The following OPRL1 variants were observed in gnomAD, a reference collection of about 807,000 sequenced individuals.
OPRL1 encodes nociceptin receptor.
Under a neutral mutation model 15.5 loss-of-function variants are expected in OPRL1, and 5 were observed. The observed-to-expected ratio is 0.32, with a 90% confidence interval of 0.17 to 0.68. OPRL1 has a LOEUF of 0.68. Ranked by LOEUF, OPRL1 falls within the 30% of genes least tolerant of loss-of-function variation. The pLI is 0.72. For missense variants in OPRL1, 406 were observed against 515.3 expected (o/e 0.79, Z 2.05); for synonymous variants, 223 against 230.2 (o/e 0.97, Z 0.28).
In OPRL1 at chr20:64,098,436, C is replaced by T. The variant is rs1408225752; in HGVS notation, c.750C>T (p.Gly250=). The change falls in exon 5 of 5, where the codon GGC becomes GGT. Residue 250 remains glycine, a synonymous_variant. Coordinates refer to ENST00000336866, the MANE Select transcript of OPRL1 (RefSeq NM_182647.4). ...TCCGTGGAGTCCGCCTGCTCTCGGG[C>T]TCCCGAGAGAAGGACCGGAACCTGC... ...RRLRGVRLLS[G]SREKDRNLRR... 6.2e-7 allele frequency: 1 copy of T among 1,613,412 alleles called. No homozygotes were observed. Among genetic ancestry groups the T allele is most frequent in the Non-Finnish European group, 8.5e-7 (1 of 1,180,022 alleles).
chr20:64,097,958 C>G lies in OPRL1; in HGVS notation c.390C>G (p.Asp130Glu), dbSNP rs1489421531. 1.2e-6 allele frequency: 2 copies of G among 1,613,740 alleles called. No individual in the cohort carries two copies. Among genetic ancestry groups the G allele is most frequent in the Non-Finnish European group, 1.7e-6 (2 of 1,180,028 alleles). ...NALCKTVIAI[D>E]YYNMFTSTFT... ...TGTGCAAGACAGTCATTGCCATTGA[C>G]TACTACAACATGTTCACCAGCACCT... The change falls in exon 4 of 5, where the codon GAC becomes GAG. Residue 130 changes from aspartate (D) to glutamate (E), a missense_variant. Coordinates refer to ENST00000336866, the MANE Select transcript of OPRL1 (RefSeq NM_182647.4). This position sits in a 1 kb window ranked among gnomAD's most constrained non-coding sequence, Gnocchi z 4.2.
At chr20:64,087,627 C>G (rs1385600410) in intron 1 of OPRL1, among the ~76,000 whole-genome samples, 1 of 148,522 alleles carries the variant, frequency 6.7e-6, no homozygotes, top group African/African-American at 2.5e-5. Flanking sequence ...TATCCTCGCA[C>G]ACAAGCTCTG....
At chr20:64,082,423 G>C (rs967296191) in intron 1 of OPRL1, among the ~76,000 whole-genome samples, 1 of 152,194 alleles carries the variant, frequency 6.6e-6, no homozygotes, top group Admixed American at 6.5e-5. Context: ...GCTGAGGGGC[G>C]AGTGCGCAGG....
In OPRL1 at chr20:64,097,059, C is replaced by T. The variant is rs796092317; in HGVS notation, c.234-743C>T. 0.094 allele frequency among the ~76,000 whole-genome samples: 448 copies of T among 4,772 alleles called. 7 individuals carry two copies. The highest frequency in any genetic ancestry group is 0.13 in the Non-Finnish European group (204 of 1,588). 3.1% of individuals were successfully genotyped at this position (4,772 alleles called of 152,430 possible). On this transcript the variant is annotated intron_variant, in intron 3 of 4. Transcript: ENST00000336866. This position sits in a 1 kb window ranked among gnomAD's most constrained non-coding sequence, Gnocchi z 4.2. Reference sequence around the variant, plus strand: ...TCATCACCATCATCACCATCATCATCATCACCACTACCATCACGCTCACAG... The same window carrying T: ...TCATCACCATCATCACCATCATCATTATCACCACTACCATCACGCTCACAG...
Position 64,083,761 on chromosome 20 carries a change from C to A in OPRL1, c.-185+3409C>A. 7.5e-7 allele frequency: 1 copy of A among 1,334,328 alleles called. No homozygotes were observed. The highest frequency in any genetic ancestry group is 9.5e-7 in the Non-Finnish European group (1 of 1,048,422). The allele number at this position is 1,334,328 out of a possible 1,614,324, so 82.7% of individuals were successfully genotyped here. ...GAGCCCCGCCCCGCCCCGCCCCGGC[C>A]GGCTCCGCTCAACGCTCCCGGTGCG... is the stretch of plus-strand genomic sequence containing the variant. On this transcript the variant is annotated intron_variant, in intron 1 of 4. Transcript: ENST00000336866. The surrounding 1 kb of genome is among the most constrained non-coding windows in gnomAD (Gnocchi z 4.9).
At chr20:64,085,447 T>A (rs1366010346) in intron 1 of OPRL1, among the ~76,000 whole-genome samples, 1 of 152,192 alleles carries the variant, frequency 6.6e-6, no homozygotes, top group African/African-American at 2.4e-5. Context: ...GAACACTGTG[T>A]CTTGGGATCT....
In OPRL1 at chr20:64,083,506, A is replaced by G; in HGVS notation, c.-185+3154A>G. 6.3e-7 allele frequency: 1 copy of G among 1,584,598 alleles called. No homozygotes were observed. The highest frequency in any genetic ancestry group is 8.6e-7 in the Non-Finnish European group (1 of 1,166,672). Reference sequence around the variant, plus strand: ...TCCACGCGCCTCCGCTGCCGGGGAGAGAGGCTGGGGTCCGGCGTGTGCGGA... The same window carrying G: ...TCCACGCGCCTCCGCTGCCGGGGAGGGAGGCTGGGGTCCGGCGTGTGCGGA... On this transcript the variant is annotated intron_variant, in intron 1 of 4. Coordinates refer to ENST00000336866, the MANE Select transcript of OPRL1 (RefSeq NM_182647.4). The surrounding 1 kb of genome is among the most constrained non-coding windows in gnomAD (Gnocchi z 4.9).
intron 3 of OPRL1, among the ~76,000 whole-genome samples, chr20:64,095,815 C>T (rs1329152409): frequency 1.3e-5 from 2 of 151,986 alleles, no homozygotes; most frequent in African/African-American, 4.8e-5. Flanking sequence ...TGGGGGTGTT[C>T]AAGCTGCCAC....
intron 1 of OPRL1, among the ~76,000 whole-genome samples, chr20:64,088,275 G>A (rs2060071448): frequency 6.6e-6 from 1 of 152,156 alleles, no homozygotes; most frequent in Non-Finnish European, 1.5e-5. Context: ...CTGCACATGG[G>A]CCAGGATCTG....
rs752502132 is a variant in OPRL1 at position 64,098,637 on chromosome 20, C to T, written c.951C>T (p.Ile317=). The change falls in exon 5 of 5, where the codon ATC becomes ATT. Residue 317 remains isoleucine, a synonymous_variant. Transcript: ENST00000336866. ...ACGTCAACAGCTGCCTCAACCCCATCCTCTACGCCTTCCTGGATGAGAACT... is the reference window on the plus strand; with the variant it reads ...ACGTCAACAGCTGCCTCAACCCCATTCTCTACGCCTTCCTGGATGAGAACT... The part of the protein sequence containing the change: ...LGYVNSCLNP[I]LYAFLDENFK... 1.2e-6 allele frequency: 2 copies of T among 1,612,984 alleles called. No individual in the cohort carries two copies. The highest frequency in any genetic ancestry group is 1.7e-6 in the Non-Finnish European group (2 of 1,179,988).
rs768331646 is a variant in OPRL1, at chr20:64,083,618, G to C, written c.-185+3266G>C. The C allele has an allele frequency of 6.8e-7, 1 of 1,475,604 alleles. No individual in the cohort carries two copies. Among genetic ancestry groups the C allele is most frequent in the East Asian group, 2.7e-5 (1 of 37,328 alleles). The allele number at this position is 1,475,604 out of a possible 1,614,324, so 91.4% of individuals were successfully genotyped here. ...TCCAGGGGGTCCGGGATCCGCGCGG[G>C]CTTCAGCTGCGGCGGCAGGAACAGC... On this transcript the variant is annotated intron_variant, in intron 1 of 4. Transcript: ENST00000336866. The surrounding 1 kb of genome is among the most constrained non-coding windows in gnomAD (Gnocchi z 4.9).
chr20:64,084,959 A>G (rs999242125), intron 1 of OPRL1: 2 of 152,184 alleles, frequency 1.3e-5, no homozygotes, highest in Non-Finnish European at 2.9e-5. Context: ...GCCGTAGCCC[A>G]GACTCTTTGG....
rs1037253282 is a variant in OPRL1, at chr20:64,092,899, C to T, written c.179C>T (p.Ala60Val). The part of the protein sequence containing the change: ...LKVTIVGLYL[A>V]VCVGGLLGNC... Reference sequence around the variant, plus strand: ...GTCACCATCGTGGGGCTCTACCTGGCCGTGTGTGTCGGAGGGCTCCTGGGG... The same window carrying T: ...GTCACCATCGTGGGGCTCTACCTGGTCGTGTGTGTCGGAGGGCTCCTGGGG... Residue 60 changes from alanine to valine, a missense_variant, in exon 3 of 5, where the codon GCC becomes GTC. Physicochemically the swap from Ala to Val is moderately conservative, Grantham distance 64. Coordinates refer to ENST00000336866, the MANE Select transcript of OPRL1 (RefSeq NM_182647.4). 2.5e-6 allele frequency: 4 copies of T among 1,612,654 alleles called. No homozygotes were observed. In the African/African-American group the frequency reaches 5.3e-5, roughly 22 times the overall value.
rs748761358 is a variant in OPRL1 at position 64,098,348 on chromosome 20, T to C, written c.662T>C (p.Leu221Pro). Residue 221 changes from leucine to proline, a missense_variant, in exon 5 of 5, where the codon CTC becomes CCC. Transcript: ENST00000336866. ...WGPVFAICIF[L>P]FSFIVPVLVI... ...CCGGTGTTTGCCATCTGCATCTTCC[T>C]CTTCTCCTTCATCGTCCCCGTGCTC... The C allele has an allele frequency of 2.5e-6, 4 of 1,613,994 alleles. No individual in the cohort carries two copies. The highest frequency in any genetic ancestry group is 3.4e-6 in the Non-Finnish European group (4 of 1,180,008).
chr20:64,082,115 T>G (rs1255505244), intron 1 of OPRL1, among the ~76,000 whole-genome samples: 1 of 152,162 alleles, frequency 6.6e-6, no homozygotes, highest in Non-Finnish European at 1.5e-5. Flanking sequence ...TGCAGGGAGT[T>G]TGGCCAGACG....
At position 64,090,098 on chromosome 20, in the gene OPRL1, C is replaced by T. The variant is rs2060105227; in HGVS notation, c.-184-1868C>T. Among the ~76,000 whole-genome samples the T allele has an allele frequency of 6.6e-6, 1 of 152,206 alleles. No homozygotes were observed. Among genetic ancestry groups the T allele is most frequent in the African/African-American group, 2.4e-5 (1 of 41,452 alleles). On this transcript the variant is annotated intron_variant, in intron 1 of 4. Transcript: ENST00000336866. This position sits in a 1 kb window ranked among gnomAD's most constrained non-coding sequence, Gnocchi z 4.9. ...AAAGGTGTCCATGCACACTCTAGGTCTACCCATGTGCCTGCGTGCACGTTG... is the reference window on the plus strand; with the variant it reads ...AAAGGTGTCCATGCACACTCTAGGTTTACCCATGTGCCTGCGTGCACGTTG...
Position 64,098,757 on chromosome 20 carries a change from C to T in OPRL1, c.1071C>T (p.Ala357=). The change falls in exon 5 of 5, where the codon GCC becomes GCT. Residue 357 remains alanine (A), a synonymous_variant. Transcript: ENST00000336866. ...DRVRSIAKDV[A]LACKTSETVP... is the part of the protein sequence containing the mutation. ...TGCGCAGCATTGCCAAGGACGTGGC[C>T]CTGGCCTGCAAGACCTCTGAGACGG... 6.2e-7 allele frequency: 1 copy of T among 1,607,544 alleles called. No individual in the cohort carries two copies. Among genetic ancestry groups the T allele is most frequent in the African/African-American group, 1.3e-5 (1 of 75,050 alleles).
intron 3 of OPRL1, among the ~76,000 whole-genome samples, chr20:64,096,151 T>C (rs1979087500): frequency 6.6e-6 from 1 of 152,110 alleles, no homozygotes; most frequent in East Asian, 1.9e-4. Flanking sequence ...TATGATCGCT[T>C]CTCTACTGTG....
At position 64,091,963 on chromosome 20, in the gene OPRL1, C is replaced by G. The variant is rs543625429; in HGVS notation, c.-184-3C>G. 1 of 152,892 alleles carries G rather than the reference C, an allele frequency of 6.5e-6. No individual in the cohort carries two copies. Among genetic ancestry groups the G allele is most frequent in the Admixed American group, 6.5e-5 (1 of 15,284 alleles). The allele number at this position is 152,892 out of a possible 1,614,324, so 9.5% of individuals were successfully genotyped here. A position where few individuals can be genotyped will look rare whatever the true frequency, so the allele number is the denominator to read the frequency against. Reference sequence around the variant, plus strand: ...GCTGCAGCCTCCTCCCCCTCCCCCCCAGCTTCGGGCTGCCGGCTCACTCGG... The same window carrying G: ...GCTGCAGCCTCCTCCCCCTCCCCCCGAGCTTCGGGCTGCCGGCTCACTCGG... On this transcript the variant is annotated splice_region_variant and splice_polypyrimidine_tract_variant and intron_variant, in intron 1 of 4. Transcript: ENST00000336866.
Sources: allele counts gnomAD v4.1 joint callset (sites outside exome capture counted in the v4.1 genomes callset), GRCh38; gene constraint gnomAD v4.1.1; non-coding constraint Gnocchi (gnomAD v3.1); transcripts MANE v1.5; gene names NCBI Gene and HGNC (gene_info 2026-07-23, HGNC 2026-07-21).